Variants in PTPRR observed in about 807,000 individuals in gnomAD.
PTPRR encodes the protein protein tyrosine phosphatase receptor type R.
A neutral mutation model predicts 77.2 loss-of-function variants in PTPRR; 38 were observed. The observed-to-expected ratio is 0.49, with a 90% CI of 0.38 to 0.65. The LOEUF (loss-of-function observed/expected upper bound fraction) is 0.65, where lower values mean the gene tolerates loss of function less well. Ranked by LOEUF, PTPRR falls within the 30% of genes least tolerant of loss-of-function variation. The pLI is 0.00. For synonymous variants in PTPRR, 299 were observed against 283.1 expected (o/e 1.06, Z -0.57); for missense variants, 744 against 799.2 (o/e 0.93, Z 0.83).
chr12:70,881,370 C>G (rs932672781), intron 2 of PTPRR, among the ~76,000 whole-genome samples: 9 of 152,152 alleles, frequency 5.9e-5, no homozygotes, highest in African/African-American at 2.2e-4. Context: ...GTCCTTCAGG[C>G]TGTCTTGGAA....
intron 2 of PTPRR, among the ~76,000 whole-genome samples, chr12:70,790,360 T>C (rs1891401035): frequency 6.6e-6 from 1 of 152,152 alleles, no homozygotes. Flanking sequence ...TTAACACAAA[T>C]GATTCCTTCC....
chr12:70,800,260 TTC>T lies in PTPRR; in HGVS notation c.358-35484_358-35483del, dbSNP rs1040615567. Among the ~76,000 whole-genome samples the T allele has an allele frequency of 1.9e-4, 29 of 150,340 alleles. 2 individuals are homozygous for T. Among genetic ancestry groups the T allele is most frequent in the Admixed American group, 2.6e-4 (4 of 15,126 alleles). On this transcript the variant is annotated intron_variant, in intron 2 of 13. Coordinates refer to ENST00000283228, the MANE Select transcript of PTPRR (RefSeq NM_002849.4). ...TACCCACTGCATTTTAGACATACTG[TTC>T]TCTCTCTTTTTTTTTTTTTGTGCTG...
chr12:70,734,382 T>A (rs1486172258), intron 6 of PTPRR, among the ~76,000 whole-genome samples: 1 of 152,164 alleles, frequency 6.6e-6, no homozygotes, highest in African/African-American at 2.4e-5. Context: ...CCTACTGAAT[T>A]GCCAAAAGAG....
At chr12:70,841,179 C>T (rs1034765078) in intron 2 of PTPRR, among the ~76,000 whole-genome samples, 1 of 151,942 alleles carries the variant, frequency 6.6e-6, no homozygotes, top group African/African-American at 2.4e-5. Flanking sequence ...TCAGACTCCA[C>T]TCTACCCTTA....
rs183775863 is a variant in PTPRR at position 70,773,765 on chromosome 12, G to A, written c.358-8987C>T. ...GTTATCTTCTTCTAGAGAGTAATATGTTTTTATTAAATAAAAAGCATCTAA... is the reference window on the plus strand; with the variant it reads ...GTTATCTTCTTCTAGAGAGTAATATATTTTTATTAAATAAAAAGCATCTAA... On this transcript the variant is annotated intron_variant, in intron 2 of 13. Transcript: ENST00000283228. Among the ~76,000 whole-genome samples the A allele has an allele frequency of 3.3e-3, 500 of 152,240 alleles. 3 individuals carry two copies. Among genetic ancestry groups the A allele is most frequent in the Non-Finnish European group, 4.4e-3 (298 of 68,024 alleles).
At chr12:70,888,342 A>G (rs17108992) in intron 2 of PTPRR, among the ~76,000 whole-genome samples, 11,677 of 152,218 alleles carry the variant, frequency 0.077, 772 homozygotes, top group African/African-American at 0.18. Context: ...CACATGGTCA[A>G]TAATATTTTC....
chr12:70,906,818 A>T (rs1453550333), intron 1 of PTPRR: 2 of 152,176 alleles, frequency 1.3e-5, no homozygotes, highest in Non-Finnish European at 2.9e-5. Context: ...TTTTTAAAAA[A>T]AAATCAGTTT....
intron 2 of PTPRR, among the ~76,000 whole-genome samples, chr12:70,778,636 T>G (rs939925758): frequency 6.6e-6 from 1 of 152,200 alleles, no homozygotes; most frequent in Non-Finnish European, 1.5e-5. Context: ...TCCTTATGTT[T>G]TTTCAGCAGA....
chr12:70,715,623 C>G (rs1888997759), intron 6 of PTPRR, among the ~76,000 whole-genome samples: 2 of 152,188 alleles, frequency 1.3e-5, no homozygotes, highest in African/African-American at 2.4e-5. Context: ...TATTCTCTTT[C>G]CCAGGGATGT....
At chr12:70,771,046 C>A (rs1347177912) in intron 2 of PTPRR, among the ~76,000 whole-genome samples, 1 of 150,872 alleles carries the variant, frequency 6.6e-6, no homozygotes, top group Non-Finnish European at 1.5e-5. Context: ...GGAGATATAC[C>A]TAATGCTAAA....
At chr12:70,816,964 T>C (rs1298956412) in intron 2 of PTPRR, among the ~76,000 whole-genome samples, 7 of 152,158 alleles carry the variant, frequency 4.6e-5, no homozygotes, top group Non-Finnish European at 8.8e-5. Context: ...GCAATATTTA[T>C]AGAATGATCA....
chr12:70,774,631 GAT>G (rs1491073320), intron 2 of PTPRR, among the ~76,000 whole-genome samples: 4 of 64,888 alleles, frequency 6.2e-5, no homozygotes, highest in Non-Finnish European at 1.1e-4. Flanking sequence ...AGAAAAGCTG[GAT>G]TTTGTAGAGC....
At chr12:70,779,849 G>C (rs2136996115) in intron 2 of PTPRR, among the ~76,000 whole-genome samples, 1 of 152,264 alleles carries the variant, frequency 6.6e-6, no homozygotes, top group Middle Eastern at 3.4e-3. Context: ...TAGTTTACCT[G>C]TAATACCTAA....
chr12:70,728,528 AATATATATATATAT>A (rs71068723), intron 6 of PTPRR, among the ~76,000 whole-genome samples: 15 of 80,136 alleles, frequency 1.9e-4, no homozygotes, highest in Admixed American at 1.6e-3. Flanking sequence ...CCAAAATCTG[AATATATATATATAT>A]ATATATATAT....
intron 10 of PTPRR, among the ~76,000 whole-genome samples, chr12:70,677,851 G>T (rs1887504564): frequency 2.0e-5 from 3 of 152,132 alleles, no homozygotes; most frequent in African/African-American, 7.2e-5. Flanking sequence ...ATATCAGAGT[G>T]ACCTGTAGTT....
chr12:70,825,585 A>G (rs1345949224), intron 2 of PTPRR, among the ~76,000 whole-genome samples: 1 of 152,220 alleles, frequency 6.6e-6, no homozygotes, highest in African/African-American at 2.4e-5. Context: ...TCTTTTCTCA[A>G]ATCCCTTTCC....
In PTPRR at chr12:70,856,682, GA is replaced by G. The variant is rs1326827033; in HGVS notation, c.357+35996del. ...GAGGACACTGTGCTAAACAGGGCAG[GA>G]AATTATTAGTCCTTAATTATTGCAA... is the stretch of plus-strand genomic sequence containing the variant. On this transcript the variant is annotated intron_variant, in intron 2 of 13. Coordinates refer to ENST00000283228, the MANE Select transcript of PTPRR (RefSeq NM_002849.4). 2.0e-5 allele frequency among the ~76,000 whole-genome samples: 3 copies of G among 152,252 alleles called. No homozygotes were observed. The East Asian group carries it at 5.8e-4, about 29-fold the overall frequency.
intron 5 of PTPRR, among the ~76,000 whole-genome samples, chr12:70,750,512 C>T (rs1270409943): frequency 6.6e-6 from 1 of 152,136 alleles, no homozygotes; most frequent in Admixed American, 6.5e-5. Flanking sequence ...TACTTTAAAT[C>T]AAGCTTATTA....
chr12:70,731,207 T>C (rs185706356), intron 6 of PTPRR, among the ~76,000 whole-genome samples: 275 of 152,118 alleles, frequency 1.8e-3, no homozygotes, highest in Admixed American at 2.2e-3. Context: ...GAAACTGTGA[T>C]GGAAAGTTAA....
Sources: allele counts gnomAD v4.1 joint callset (sites outside exome capture counted in the v4.1 genomes callset), GRCh38; gene constraint gnomAD v4.1.1; transcripts MANE v1.5; gene names NCBI Gene and HGNC (gene_info 2026-07-23, HGNC 2026-07-21).